Variants in NRG1 observed in about 807,000 individuals in gnomAD.
NRG1 encodes neuregulin 1, also known as pro-neuregulin-1, membrane-bound isoform.
Under a neutral mutation model 63.8 loss-of-function variants are expected in NRG1, and 18 were observed. The observed-to-expected ratio is 0.28, with a 90% CI of 0.19 to 0.42. The LOEUF (loss-of-function observed/expected upper bound fraction) is 0.42, where lower values mean the gene tolerates loss of function less well. NRG1 is among the 10% of genes least tolerant of loss of function. NRG1 has a pLI of 1.00. For missense variants in NRG1, 762 were observed against 814.7 expected, an observed-to-expected ratio of 0.94 and a Z score of 0.79; for synonymous variants, 302 against 301.3, an observed-to-expected ratio of 1.00 and a Z score of -0.02.
chr8:32,637,782 G>A (rs765283556), intron 5 of NRG1, among the ~76,000 whole-genome samples: 9 of 152,138 alleles, frequency 5.9e-5, no homozygotes, highest in Non-Finnish European at 1.3e-4. Flanking sequence ...GGGTTCTGGA[G>A]CACACATTTT....
At chr8:32,526,918 T>C (rs73234123) in intron 1 of NRG1, among the ~76,000 whole-genome samples, 39,844 of 152,046 alleles carry the variant, frequency 0.26, 5,647 homozygotes, top group South Asian at 0.36. Flanking sequence ...TTTGTAGCCC[T>C]TCACTCTTCT....
At chr8:32,055,267 G>A (rs1012366734) in intron 1 of NRG1, among the ~76,000 whole-genome samples, 3 of 152,030 alleles carry the variant, frequency 2.0e-5, no homozygotes, top group Admixed American at 1.3e-4. Flanking sequence ...GACTTTTTGT[G>A]TGTAACATTT....
chr8:31,828,048 C>T (rs1000562921), intron 1 of NRG1, among the ~76,000 whole-genome samples: 15 of 152,170 alleles, frequency 9.9e-5, no homozygotes, highest in African/African-American at 3.1e-4. Context: ...TTTGAGCCTG[C>T]GAAGGTGCTT....
At chr8:31,868,588 C>G (rs1829201278) in intron 1 of NRG1, among the ~76,000 whole-genome samples, 1 of 152,146 alleles carries the variant, frequency 6.6e-6, no homozygotes, top group African/African-American at 2.4e-5. Flanking sequence ...CTCCTTGTGA[C>G]CCTTATCATC....
intron 1 of NRG1, among the ~76,000 whole-genome samples, chr8:31,732,805 G>T (rs886552369): frequency 6.6e-6 from 1 of 152,162 alleles, no homozygotes; most frequent in Non-Finnish European, 1.5e-5. Flanking sequence ...TGAGGCAGGA[G>T]AATTGCTTGA....
intron 1 of NRG1, among the ~76,000 whole-genome samples, chr8:31,652,265 C>T (rs1008528235): frequency 1.3e-5 from 2 of 152,208 alleles, no homozygotes; most frequent in Admixed American, 6.5e-5. Context: ...AGATTCGTCC[C>T]GTCTTCCCTC....
intron 1 of NRG1, among the ~76,000 whole-genome samples, chr8:31,851,472 G>C (rs1827208119): frequency 6.6e-6 from 1 of 152,114 alleles, no homozygotes; most frequent in Non-Finnish European, 1.5e-5. Flanking sequence ...ATAATTAGAA[G>C]TGTCGATTTT....
intron 1 of NRG1, among the ~76,000 whole-genome samples, chr8:32,113,630 G>C (rs1832328041): frequency 6.6e-6 from 1 of 152,152 alleles, no homozygotes; most frequent in African/African-American, 2.4e-5. Flanking sequence ...TCTGATATAA[G>C]TGTCTACCTT....
At chr8:32,724,422 G>A (rs1821523677) in intron 5 of NRG1, among the ~76,000 whole-genome samples, 1 of 152,086 alleles carries the variant, frequency 6.6e-6, no homozygotes, top group African/African-American at 2.4e-5. Flanking sequence ...CAGAAAGAAT[G>A]CTGTTTGCTC....
chr8:32,309,696 G>T (rs936938714), intron 1 of NRG1, among the ~76,000 whole-genome samples: 1 of 152,096 alleles, frequency 6.6e-6, no homozygotes, highest in African/African-American at 2.4e-5. Flanking sequence ...CTTGTGCATA[G>T]ATATTGTTGC....
At chr8:32,075,244 C>T (rs1169752239) in intron 1 of NRG1, among the ~76,000 whole-genome samples, 3 of 152,288 alleles carry the variant, frequency 2.0e-5, no homozygotes, top group Non-Finnish European at 4.4e-5. Flanking sequence ...CTTCCAAACT[C>T]TTCTATCACT....
chr8:31,943,724 A>C (rs1466821567), intron 1 of NRG1, among the ~76,000 whole-genome samples: 1 of 152,106 alleles, frequency 6.6e-6, no homozygotes, highest in African/African-American at 2.4e-5. Context: ...TGTTCAGCTA[A>C]CTAGATTCCA....
chr8:31,928,499 A>T (rs1005884365), intron 1 of NRG1, among the ~76,000 whole-genome samples: 2 of 152,132 alleles, frequency 1.3e-5, no homozygotes, highest in Admixed American at 6.5e-5. Context: ...ACTACTTGGT[A>T]TCTACCCAAA....
intron 1 of NRG1, among the ~76,000 whole-genome samples, chr8:32,231,595 C>T (rs1186929886): frequency 1.3e-5 from 2 of 152,016 alleles, no homozygotes; most frequent in Non-Finnish European, 2.9e-5. Flanking sequence ...TGTAATATGG[C>T]ACTTTAAATT....
At chr8:32,441,245 C>A (rs939508902) in intron 1 of NRG1, 1 of 152,092 alleles carries the variant, frequency 6.6e-6, no homozygotes, top group African/African-American at 2.4e-5. Flanking sequence ...CTATGAACAA[C>A]CAGATGCAAA....
At chr8:31,822,569 A>G (rs1824109901) in intron 1 of NRG1, among the ~76,000 whole-genome samples, 1 of 152,168 alleles carries the variant, frequency 6.6e-6, no homozygotes. Flanking sequence ...CGTACTGGAG[A>G]TTTCTAAAAG....
chr8:31,766,961 T>C (rs1324318989), intron 1 of NRG1, among the ~76,000 whole-genome samples: 2 of 152,176 alleles, frequency 1.3e-5, no homozygotes, highest in African/African-American at 4.8e-5. Context: ...AGCATTTCTA[T>C]CCTCCCAGGA....
intron 1 of NRG1, among the ~76,000 whole-genome samples, chr8:32,154,146 A>G (rs1221058052): frequency 1.3e-5 from 2 of 152,168 alleles, no homozygotes; most frequent in African/African-American, 2.4e-5. Flanking sequence ...AGGCAGTGGA[A>G]GAGGCAAGAC....
chr8:31,868,793 G>A (rs1057172490), intron 1 of NRG1, among the ~76,000 whole-genome samples: 3 of 152,174 alleles, frequency 2.0e-5, no homozygotes. Flanking sequence ...AGGGATCCAA[G>A]GTTCAGAGGG....
Sources: allele counts gnomAD v4.1 joint callset (sites outside exome capture counted in the v4.1 genomes callset), GRCh38; gene constraint gnomAD v4.1.1; transcripts MANE v1.5; gene names NCBI Gene and HGNC (gene_info 2026-07-23, HGNC 2026-07-21).